Variants in GNL3 observed in about 807,000 individuals in gnomAD.
The protein encoded by GNL3 is G protein nucleolar 3, also known as guanine nucleotide-binding protein-like 3.
A neutral mutation model predicts 70.6 loss-of-function variants in GNL3; 77 were observed. The observed-to-expected ratio is 1.09, with a 90% confidence interval of 0.91 to 1.32. The LOEUF is 1.32. Among genes scored for constraint, GNL3 ranks in the 40% most tolerant of loss-of-function variants. The pLI, the probability that GNL3 is intolerant of heterozygous loss-of-function variation, is 0.00. For synonymous variants in GNL3, 252 were observed against 216.1 expected (o/e 1.17, Z -1.46); for missense variants, 634 against 644.0 (o/e 0.98, Z 0.17).
chr3:52,691,108 T>A, intron 8 of GNL3, 37 bp downstream of exon 8: 2 of 1,590,034 alleles, frequency 1.3e-6, no homozygotes, highest in Non-Finnish European at 1.7e-6. Flanking sequence ...TTTTTAAGTG[T>A]TGAAATAGTT....
intron 10 of GNL3, 53 bp from the exon 11 acceptor site, chr3:52,693,134 A>C: frequency 6.3e-7 from 1 of 1,596,324 alleles, no homozygotes; most frequent in Admixed American, 1.8e-5. Context: ...AGTGTTTTAA[A>C]GTACTGGCAT....
Position 52,687,244 on chromosome 3 carries a change from A to G in GNL3, c.73-2A>G. 2 of 1,603,700 alleles carry G rather than the reference A, an allele frequency of 1.2e-6. No homozygotes were observed. The highest frequency in any genetic ancestry group is 1.7e-6 in the Non-Finnish European group (2 of 1,175,526). On this transcript the variant is annotated splice_acceptor_variant, in intron 2 of 14. Coordinates refer to ENST00000418458, the MANE Select transcript of GNL3 (RefSeq NM_014366.5). LOFTEE classifies it high-confidence loss of function. ...GCAGACAAAATCTCTTTATTTTAAT[A>G]GGTTCGAGAACATCATCGAAAATTA...
intron 1 of GNL3, chr3:52,686,403 T>A (rs2097311675): frequency 1.7e-6 from 1 of 580,470 alleles, no homozygotes; most frequent in South Asian, 2.0e-5. Context: ...TTTCTTTCCG[T>A]GGCCACGTGC....
Position 52,687,183 on chromosome 3 carries a change from C to T in GNL3, c.73-63C>T, listed in dbSNP as rs375021929. 6.3e-6 allele frequency: 9 copies of T among 1,431,120 alleles called. No individual in the cohort carries two copies. In the East Asian group the frequency reaches 9.1e-5, roughly 14 times the overall value. The allele number at this position is 1,431,120 out of a possible 1,614,324, so 88.7% of individuals were successfully genotyped here. On this transcript the variant is annotated intron_variant, in intron 2 of 14. Transcript: ENST00000418458. ...AAATTGCAGCCAGATTGGTTTCTCA[C>T]TTGAATTCTGCTTAAGTATAAAGAT...
chr3:52,690,741 A>G, intron 7 of GNL3, 37 bp downstream of exon 7: 1 of 1,323,236 alleles, frequency 7.6e-7, no homozygotes, highest in African/African-American at 1.5e-5. Context: ...TGATTCTTTC[A>G]GATTTTGGTT....
intron 2 of GNL3, 52 bp from the exon 3 acceptor site, chr3:52,687,194 C>A: frequency 1.3e-6 from 2 of 1,490,330 alleles, no homozygotes; most frequent in Non-Finnish European, 1.8e-6. Flanking sequence ...TTGAATTCTG[C>A]TTAAGTATAA....
chr3:52,692,261 T>C (rs1331481213), intron 9 of GNL3, among the ~76,000 whole-genome samples: 3 of 152,234 alleles, frequency 2.0e-5, no homozygotes, highest in East Asian at 3.9e-4. Flanking sequence ...TTGGCCAGGC[T>C]AGCCTCAAAC....
At position 52,686,051 on chromosome 3, in the gene GNL3, C is replaced by T; in HGVS notation, c.-42C>T. 1 of 930,782 alleles carries T rather than the reference C, an allele frequency of 1.1e-6. No homozygotes were observed. Among genetic ancestry groups the T allele is most frequent in the Non-Finnish European group, 1.8e-6 (1 of 555,132 alleles). 57.7% of individuals were successfully genotyped at this position (930,782 alleles called of 1,614,324 possible). On this transcript the variant is annotated 5_prime_UTR_variant, in exon 1 of 15. Coordinates refer to ENST00000418458, the MANE Select transcript of GNL3 (RefSeq NM_014366.5). Reference sequence around the variant, plus strand: ...GGCTTCAGTTCACACGTGGCGCCAGCGGAGGCAGGTTGATGTGTTTGTGCT... The same window carrying T: ...GGCTTCAGTTCACACGTGGCGCCAGTGGAGGCAGGTTGATGTGTTTGTGCT...
In GNL3 at chr3:52,689,187, A is replaced by C; in HGVS notation, c.522A>C (p.Val174=). 1 of 1,613,512 alleles carries C rather than the reference A, an allele frequency of 6.2e-7. No homozygotes were observed. Among genetic ancestry groups the C allele is most frequent in the South Asian group, 1.1e-5 (1 of 91,070 alleles). ...AIVQSGQKKL[V]LILNKSDLVP... is the part of the protein sequence containing the mutation. The stretch of plus-strand genomic sequence containing the variant: ...TCCAGAGTGGACAGAAAAAGCTGGT[A>C]CTTATATTAAATAAATCAGGTGAGT... The change falls in exon 6 of 15, where the codon GTA becomes GTC. Residue 174 remains valine, a synonymous_variant. Transcript: ENST00000418458.
At position 52,689,277 on chromosome 3, in the gene GNL3, T is replaced by C. The variant is rs183506718; in HGVS notation, c.541+71T>C. 1.0e-4 allele frequency: 140 copies of C among 1,343,816 alleles called. No homozygotes were observed. In the African/African-American group the frequency reaches 1.7e-3, roughly 17 times the overall value. The allele number at this position is 1,343,816 out of a possible 1,614,324, so 83.2% of individuals were successfully genotyped here. ...TACGAGGAAACAGTCTGATAGTCACTGAAGACTGATTAGATCCAACTCTGA... is the reference window on the plus strand; with the variant it reads ...TACGAGGAAACAGTCTGATAGTCACCGAAGACTGATTAGATCCAACTCTGA... On this transcript the variant is annotated intron_variant, in intron 6 of 14. Transcript: ENST00000418458.
intron 6 of GNL3, among the ~76,000 whole-genome samples, chr3:52,689,829 G>A (rs2097325631): frequency 6.6e-6 from 1 of 152,186 alleles, no homozygotes; most frequent in South Asian, 2.1e-4. Flanking sequence ...ATGGGCACTT[G>A]TAGTCCCAGC....
Position 52,690,974 on chromosome 3 carries a change from A to T in GNL3, c.684A>T (p.Pro228=), listed in dbSNP as rs759411565. Residue 228 remains proline, a synonymous_variant, in exon 8 of 15, where the codon CCA becomes CCT. Transcript: ENST00000418458. ...KRVKAKKNAA[P]FRSEVCFGKE... ...TGAAGGCAAAGAAGAATGCTGCTCC[A>T]TTCAGAAGTGAAGTCTGCTTTGGGA... is the stretch of plus-strand genomic sequence containing the variant. 3.7e-6 allele frequency: 6 copies of T among 1,613,944 alleles called. No homozygotes were observed. The highest frequency in any genetic ancestry group is 4.2e-6 in the Non-Finnish European group (5 of 1,179,776).
chr3:52,686,493 A>G, intron 1 of GNL3: 1 of 571,434 alleles, frequency 1.7e-6, no homozygotes, highest in Non-Finnish European at 3.1e-6. Context: ...GCTGTTTGAC[A>G]CGAAGTGGTT....
At chr3:52,693,592 G>A (rs1199446185) in intron 12 of GNL3, 40 bp from the exon 13 acceptor site, 1 of 1,613,848 alleles carries the variant, frequency 6.2e-7, no homozygotes, top group Middle Eastern at 1.7e-4. Context: ...CAGGCCAGTG[G>A]AGCTCTTACC....
rs571283413 is a variant in GNL3 at position 52,689,638 on chromosome 3, CAG to C, written c.541+436_541+437del. Among the ~76,000 whole-genome samples the C allele has an allele frequency of 1.5e-4, 23 of 152,234 alleles. 1 individual carries two copies. In the South Asian group the frequency reaches 3.7e-3, roughly 25 times the overall value. On this transcript the variant is annotated intron_variant, in intron 6 of 14. Transcript: ENST00000418458. Reference sequence around the variant, plus strand: ...GCAGCAGGAAAAAGAAAACCCAGAACAGAGAATTACAAAGCAGAAAATGGGAA... The same window carrying C: ...GCAGCAGGAAAAAGAAAACCCAGAACAGAATTACAAAGCAGAAAATGGGAA...
At chr3:52,693,144 T>C in intron 10 of GNL3, 43 bp from the exon 11 acceptor site, 1 of 1,596,532 alleles carries the variant, frequency 6.3e-7, no homozygotes, top group Non-Finnish European at 8.5e-7. Context: ...AGTACTGGCA[T>C]GTCAGATGAA....
At chr3:52,692,129 G>T (rs1267805506) in intron 9 of GNL3, among the ~76,000 whole-genome samples, 1 of 152,206 alleles carries the variant, frequency 6.6e-6, no homozygotes, top group Admixed American at 6.5e-5. Context: ...AGAGAGGAAA[G>T]CTCCCTCAGA....
chr3:52,693,493 A>T lies in GNL3; in HGVS notation c.1273A>T (p.Ser425Cys). ...FNESIVVDMK[S>C]GFNLEELEKN... ...TGAGAGTATTGTGGTAGACATGAAA[A>T]GCGGCTTCAATCTGGAAGAACTGGA... The change falls in exon 12 of 15, where the codon AGC becomes TGC. Residue 425 changes from serine to cysteine, a missense_variant. Physicochemically the swap from Ser to Cys is moderately radical, Grantham distance 112. Transcript: ENST00000418458. 1 of 1,614,160 alleles carries T rather than the reference A, an allele frequency of 6.2e-7. No individual in the cohort carries two copies. Among genetic ancestry groups the T allele is most frequent in the Admixed American group, 1.7e-5 (1 of 60,014 alleles).
At position 52,687,276 on chromosome 3, in the gene GNL3, G is replaced by A. The variant is rs200604649; in HGVS notation, c.103G>A (p.Glu35Lys). ...AGAACATCATCGAAAATTAAGAAAG[G>A]AGGCTAAAAAGCGGGGTCACAAGAA... is the stretch of plus-strand genomic sequence containing the variant. ...VREHHRKLRKEAKKRGHKKPR... is the reference protein window; with the variant it reads ...VREHHRKLRKKAKKRGHKKPR... The change falls in exon 3 of 15, where the codon GAG becomes AAG. Residue 35 changes from glutamate (E) to lysine (K), a missense_variant. Coordinates refer to ENST00000418458, the MANE Select transcript of GNL3 (RefSeq NM_014366.5). 18 of 1,613,030 alleles carry A rather than the reference G, an allele frequency of 1.1e-5. No individual in the cohort carries two copies. Among genetic ancestry groups the A allele is most frequent in the East Asian group, 2.2e-5 (1 of 44,880 alleles).
Sources: allele counts gnomAD v4.1 joint callset (sites outside exome capture counted in the v4.1 genomes callset), GRCh38; gene constraint gnomAD v4.1.1; transcripts MANE v1.5; gene names NCBI Gene and HGNC (gene_info 2026-07-23, HGNC 2026-07-21).